The following ZNF804B variants were observed in gnomAD, a reference collection of about 807,000 sequenced individuals.
ZNF804B encodes the protein zinc finger 804B.
Under a neutral mutation model 101.4 loss-of-function variants are expected in ZNF804B, and 80 were observed. That is an observed-to-expected ratio of 0.79 (90% confidence interval 0.66 to 0.95). ZNF804B has a LOEUF of 0.95. Ranked by LOEUF, ZNF804B falls within the 40% of genes least tolerant of loss-of-function variation. The pLI is 0.00. For missense variants in ZNF804B, 1,673 were observed against 1,561.9 expected (o/e 1.07, Z -1.20); for synonymous variants, 622 against 558.8 (o/e 1.11, Z -1.59).
At chr7:89,152,228 G>A (rs1275597669) in intron 1 of ZNF804B, among the ~76,000 whole-genome samples, 3 of 149,012 alleles carry the variant, frequency 2.0e-5, no homozygotes, top group Non-Finnish European at 3.0e-5. Context: ...GTCAAGTAAT[G>A]TTTCAGACTA....
At chr7:89,242,528 T>C (rs896032691) in intron 2 of ZNF804B, among the ~76,000 whole-genome samples, 13 of 151,890 alleles carry the variant, frequency 8.6e-5, no homozygotes, top group Admixed American at 7.9e-4. Context: ...AACCATATTC[T>C]CCTGTTTCTA....
At chr7:89,109,486 C>T (rs1157929914) in intron 1 of ZNF804B, among the ~76,000 whole-genome samples, 1 of 152,140 alleles carries the variant, frequency 6.6e-6, no homozygotes, top group Non-Finnish European at 1.5e-5. Context: ...ATCTCCTAGG[C>T]AGATTTGGGC....
At chr7:89,171,347 TTCTTCTTCTTCC>T (rs879592249) in intron 1 of ZNF804B, among the ~76,000 whole-genome samples, 1,235 of 112,230 alleles carry the variant, frequency 0.011, 26 homozygotes, top group Non-Finnish European at 0.015. Flanking sequence ...CTTCTTCTTC[TTCTTCTTCTTCC>T]TCCTCTTCCT....
intron 1 of ZNF804B, among the ~76,000 whole-genome samples, chr7:88,880,532 A>G (rs1462650396): frequency 2.0e-5 from 3 of 152,158 alleles, no homozygotes; most frequent in African/African-American, 7.2e-5. Context: ...TACTGAATTT[A>G]TTACATATTT....
At chr7:88,854,533 T>TCCCTTCCTTC (rs1554340260) in intron 1 of ZNF804B, among the ~76,000 whole-genome samples, 1 of 78,178 alleles carries the variant, frequency 1.3e-5, no homozygotes. Flanking sequence ...TTCCTTTCCT[T>TCCCTTCCTTC]CCTTCCTTCC....
chr7:88,988,990 A>T (rs1793805043), intron 1 of ZNF804B, among the ~76,000 whole-genome samples: 1 of 152,008 alleles, frequency 6.6e-6, no homozygotes, highest in Non-Finnish European at 1.5e-5. Flanking sequence ...AGATATTCTG[A>T]TTCAATTAAA....
intron 2 of ZNF804B, among the ~76,000 whole-genome samples, chr7:89,285,522 CAAA>C (rs778078214): frequency 2.2e-4 from 5 of 22,390 alleles, no homozygotes; most frequent in South Asian, 2.2e-3. Context: ...GACTCTGTCT[CAAA>C]AAAAAAAAAA....
chr7:89,317,357 G>GT (rs1562944283), intron 2 of ZNF804B, among the ~76,000 whole-genome samples: 1 of 152,208 alleles, frequency 6.6e-6, no homozygotes, highest in Non-Finnish European at 1.5e-5. Flanking sequence ...AGGAAGAAGT[G>GT]TATGCTTCTG....
intron 1 of ZNF804B, chr7:88,794,977 C>T (rs4363132): frequency 0.15 from 222,287 of 1,508,478 alleles, 16,962 homozygotes; most frequent in African/African-American, 0.21. Context: ...ATGATTCCAG[C>T]TTTTAGCTTA....
chr7:89,238,555 G>C (rs1008295533), intron 2 of ZNF804B, among the ~76,000 whole-genome samples: 10 of 152,058 alleles, frequency 6.6e-5, no homozygotes, highest in African/African-American at 2.4e-4. Context: ...GTGTATCCTG[G>C]GTCATGAAAT....
At chr7:89,313,400 A>G (rs1466306371) in intron 2 of ZNF804B, among the ~76,000 whole-genome samples, 1 of 152,210 alleles carries the variant, frequency 6.6e-6, no homozygotes, top group African/African-American at 2.4e-5. Flanking sequence ...AATTAGACAT[A>G]CTTCAGTGAA....
At chr7:89,319,232 G>A (rs1466270422) in intron 2 of ZNF804B, among the ~76,000 whole-genome samples, 1 of 151,972 alleles carries the variant, frequency 6.6e-6, no homozygotes, top group African/African-American at 2.4e-5. Flanking sequence ...GCCAGATTTG[G>A]GGGGGCTTGC....
intron 1 of ZNF804B, among the ~76,000 whole-genome samples, chr7:88,835,088 AT>A (rs1240163570): frequency 6.6e-6 from 1 of 151,842 alleles, no homozygotes; most frequent in Admixed American, 6.6e-5. Flanking sequence ...CTATTTTTAT[AT>A]TACTTTAAAA....
chr7:89,190,861 C>T (rs1294845065), intron 1 of ZNF804B, among the ~76,000 whole-genome samples: 2 of 152,020 alleles, frequency 1.3e-5, no homozygotes, highest in Non-Finnish European at 2.9e-5. Flanking sequence ...CATTTTTTAG[C>T]AATAAAATAT....
chr7:88,993,553 C>G (rs2116157973), intron 1 of ZNF804B, among the ~76,000 whole-genome samples: 1 of 152,094 alleles, frequency 6.6e-6, no homozygotes, highest in South Asian at 2.1e-4. Context: ...CCTATCTGCA[C>G]TGAACAAATG....
chr7:89,171,486 G>A (rs550255028), intron 1 of ZNF804B, among the ~76,000 whole-genome samples: 9 of 151,420 alleles, frequency 5.9e-5, no homozygotes, highest in African/African-American at 1.9e-4. Flanking sequence ...CCAGGCTGGA[G>A]TGCAGTGGCG....
At chr7:89,090,180 A>G (rs1789862149) in intron 1 of ZNF804B, among the ~76,000 whole-genome samples, 1 of 152,034 alleles carries the variant, frequency 6.6e-6, no homozygotes, top group African/African-American at 2.4e-5. Context: ...TTCTCATCAC[A>G]TCCTCAATAT....
chr7:89,005,480 A>T (rs1788359611), intron 1 of ZNF804B, among the ~76,000 whole-genome samples: 1 of 152,118 alleles, frequency 6.6e-6, no homozygotes, highest in Non-Finnish European at 1.5e-5. Flanking sequence ...ATAGCTGCTA[A>T]TTTTGATGCA....
chr7:88,798,640 A>T (rs1009665229), intron 1 of ZNF804B, among the ~76,000 whole-genome samples: 1 of 152,124 alleles, frequency 6.6e-6, no homozygotes, highest in African/African-American at 2.4e-5. Flanking sequence ...AAAGGTTTAA[A>T]GGCAACTTGT....
Sources: allele counts gnomAD v4.1 joint callset (sites outside exome capture counted in the v4.1 genomes callset), GRCh38; gene constraint gnomAD v4.1.1; transcripts MANE v1.5; gene names NCBI Gene and HGNC (gene_info 2026-07-23, HGNC 2026-07-21).